The following DCC variants were observed in gnomAD, a reference collection of about 807,000 sequenced individuals.
DCC encodes the protein DCC netrin 1 receptor.
DCC carries 58 observed loss-of-function variants against 172.5 expected under a neutral mutation model. The ratio of observed to expected loss-of-function variants is 0.34; its 90% CI spans 0.27 to 0.42. DCC has a LOEUF of 0.42. Ranked by LOEUF, DCC falls within the 10% of genes least tolerant of loss-of-function variation. The probability of loss-of-function intolerance (pLI) is 1.00; values close to 1 mark genes in which losing one functional copy is unlikely to be tolerated. For synonymous variants in DCC, 709 were observed against 644.5 expected (o/e 1.10, Z -1.52); for missense variants, 1,740 against 1,791.0 (o/e 0.97, Z 0.51).
At chr18:52,663,167 A>G (rs2144951991) in intron 1 of DCC, among the ~76,000 whole-genome samples, 1 of 152,342 alleles carries the variant, frequency 6.6e-6, no homozygotes, top group Non-Finnish European at 1.5e-5. Context: ...TGTGCAGCCA[A>G]GTTTCAAACA....
intron 22 of DCC, among the ~76,000 whole-genome samples, chr18:53,437,937 C>A (rs1006978768): frequency 1.3e-5 from 2 of 152,126 alleles, no homozygotes; most frequent in African/African-American, 4.8e-5. Context: ...CAGAAATATA[C>A]ACCCCAGGAA....
chr18:52,356,399 T>C (rs1984365250), intron 1 of DCC, among the ~76,000 whole-genome samples: 1 of 152,178 alleles, frequency 6.6e-6, no homozygotes, highest in Non-Finnish European at 1.5e-5. Flanking sequence ...CCAAAACCCT[T>C]TATTACTAAT....
At chr18:53,040,623 C>T (rs2042156417) in intron 5 of DCC, among the ~76,000 whole-genome samples, 2 of 151,816 alleles carry the variant, frequency 1.3e-5, no homozygotes, top group Admixed American at 6.6e-5. Context: ...GAATTTGGCC[C>T]AGGCGTGGGA....
In DCC at chr18:53,486,661, G is replaced by A; in HGVS notation, c.3737-136G>A. 2.7e-6 allele frequency: 3 copies of A among 1,122,652 alleles called. No homozygotes were observed. In the South Asian group the frequency reaches 4.1e-5, roughly 15 times the overall value. 69.5% of individuals were successfully genotyped at this position (1,122,652 alleles called of 1,614,324 possible). On this transcript the variant is annotated intron_variant, in intron 25 of 28. Transcript: ENST00000442544. ...GTAAAAAGTGGGATTGGTGGAGAGAGGTAAGTAAGGGAACCTAGTTGATAC... is the reference window on the plus strand; with the variant it reads ...GTAAAAAGTGGGATTGGTGGAGAGAAGTAAGTAAGGGAACCTAGTTGATAC...
Position 53,428,205 on chromosome 18 carries a change from T to A in DCC, c.3164-6939T>A, listed in dbSNP as rs1461455965. Reference sequence around the variant, plus strand: ...ATATAATATAGAATATATAATATTATATATAAGTATATATAATTATAATTA... The same window carrying A: ...ATATAATATAGAATATATAATATTAAATATAAGTATATATAATTATAATTA... On this transcript the variant is annotated intron_variant, in intron 21 of 28. Coordinates refer to ENST00000442544, the MANE Select transcript of DCC (RefSeq NM_005215.4). Among the ~76,000 whole-genome samples the A allele has an allele frequency of 7.6e-5, 2 of 26,466 alleles. 1 individual carries two copies. Among genetic ancestry groups the A allele is most frequent in the Admixed American group, 1.2e-3 (2 of 1,630 alleles). The allele number at this position is 26,466 out of a possible 152,430, so 17.4% of individuals were successfully genotyped here.
At chr18:52,391,319 C>CCA (rs1986022466) in intron 1 of DCC, among the ~76,000 whole-genome samples, 4 of 152,042 alleles carry the variant, frequency 2.6e-5, no homozygotes, top group Admixed American at 2.6e-4. Context: ...ATCTTAATAT[C>CCA]TAAAATCAGA....
intron 22 of DCC, 31 bp from the exon 23 acceptor site, chr18:53,450,469 A>G: frequency 1.2e-6 from 2 of 1,612,956 alleles, no homozygotes; most frequent in Non-Finnish European, 8.5e-7. Context: ...ATCTTCCTAA[A>G]CCTGAACTCC....
intron 5 of DCC, among the ~76,000 whole-genome samples, chr18:52,945,331 C>G (rs902993109): frequency 5.9e-5 from 9 of 152,130 alleles, no homozygotes; most frequent in African/African-American, 1.4e-4. Context: ...TTTTTCTACA[C>G]TACACAAATT....
rs1218282050 is a variant in DCC at position 52,793,340 on chromosome 18, A to C, written c.412+40966A>C. 5.3e-5 allele frequency among the ~76,000 whole-genome samples: 8 copies of C among 152,208 alleles called. No homozygotes were observed. In the East Asian group the frequency reaches 1.5e-3, roughly 29 times the overall value. ...CTGGCATTCACTTCTGCAAGCTCCC[A>C]GCTTGCTTGTCTTTGAGGCTCAACT... On this transcript the variant is annotated intron_variant, in intron 2 of 28. Coordinates refer to ENST00000442544, the MANE Select transcript of DCC (RefSeq NM_005215.4).
chr18:53,530,402 C>A (rs1418545757), intron 28 of DCC, 162 bp from the exon 29 acceptor site: 1 of 710,456 alleles, frequency 1.4e-6, no homozygotes, highest in South Asian at 1.5e-5. Context: ...CTTTTATTAC[C>A]AGCATCTTCA....
chr18:52,951,505 C>T (rs1396952196), intron 5 of DCC, among the ~76,000 whole-genome samples: 1 of 152,148 alleles, frequency 6.6e-6, no homozygotes, highest in African/African-American at 2.4e-5. Flanking sequence ...CATTGCTCAA[C>T]TCTCACTTAT....
chr18:53,194,055 G>A (rs1451733283), intron 9 of DCC, among the ~76,000 whole-genome samples: 1 of 152,156 alleles, frequency 6.6e-6, no homozygotes, highest in Non-Finnish European at 1.5e-5. Flanking sequence ...TTTTGAGAAA[G>A]GTTGCTGGGT....
chr18:52,655,270 C>A (rs190683567), intron 1 of DCC, among the ~76,000 whole-genome samples: 1 of 152,092 alleles, frequency 6.6e-6, no homozygotes, highest in Admixed American at 6.6e-5. Context: ...CCTACTAAGT[C>A]ACAGGTGAAC....
intron 28 of DCC, among the ~76,000 whole-genome samples, chr18:53,528,246 T>C (rs2046481416): frequency 1.3e-5 from 2 of 152,252 alleles, no homozygotes; most frequent in South Asian, 4.1e-4. Flanking sequence ...CAATAAAATA[T>C]TTTAACGACA....
chr18:52,844,004 C>T (rs11878014), intron 2 of DCC, among the ~76,000 whole-genome samples: 4,330 of 152,058 alleles, frequency 0.028, 166 homozygotes, highest in African/African-American at 0.09. Context: ...TGAAGTCAGA[C>T]GTAATGACTT....
At chr18:53,417,407 C>A (rs148754173) in intron 21 of DCC, among the ~76,000 whole-genome samples, 55 of 152,088 alleles carry the variant, frequency 3.6e-4, no homozygotes, top group African/African-American at 1.2e-3. Flanking sequence ...CTTGCTTCCA[C>A]TGAAAATGTT....
intron 1 of DCC, among the ~76,000 whole-genome samples, chr18:52,550,681 TGCTCATGAGGATAGTTGAA>T (rs2032745362): frequency 1.3e-5 from 2 of 152,174 alleles, no homozygotes; most frequent in Admixed American, 1.3e-4. Flanking sequence ...TAGACAATAC[TGCTCATGAGGATAGTTGAA>T]ATCCATGATA....
At chr18:53,265,313 T>C (rs973148628) in intron 12 of DCC, among the ~76,000 whole-genome samples, 8 of 152,114 alleles carry the variant, frequency 5.3e-5, no homozygotes, top group Non-Finnish European at 8.8e-5. Context: ...TCTAAGACAT[T>C]AGAGGAGAAA....
intron 9 of DCC, among the ~76,000 whole-genome samples, chr18:53,199,247 C>T (rs768748774): frequency 1.8e-4 from 28 of 151,788 alleles, no homozygotes; most frequent in Non-Finnish European, 4.4e-5. Flanking sequence ...CCCACCACCA[C>T]GCCTGGCTAA....
Sources: gnomAD v4.1 joint callset for allele counts (sites outside exome capture counted in the v4.1 genomes callset) on GRCh38, gnomAD v4.1.1 for gene constraint, MANE v1.5 for transcripts, NCBI Gene and HGNC (gene_info 2026-07-23, HGNC 2026-07-21) for gene names.